AKT3: variants seen among roughly 807,000 people sequenced by gnomAD.
AKT3 encodes the protein RAC-gamma serine/threonine-protein kinase.
A neutral mutation model predicts 65.3 loss-of-function variants in AKT3; 15 were observed. That is an observed-to-expected ratio of 0.23 (90% CI 0.15 to 0.35). AKT3 has a LOEUF of 0.35. Ranked by LOEUF, AKT3 falls within the 10% of genes least tolerant of loss-of-function variation. The pLI is 1.00. For synonymous variants in AKT3, 206 were observed against 183.8 expected (o/e 1.12, Z -0.98); for missense variants, 243 against 576.5 (o/e 0.42, Z 5.92).
chr1:243,634,579 G>C (rs1015189806), intron 6 of AKT3, among the ~76,000 whole-genome samples: 3 of 151,774 alleles, frequency 2.0e-5, no homozygotes, highest in Admixed American at 1.3e-4. Flanking sequence ...TGGTTGATTG[G>C]GGGTAACTCA....
chr1:243,646,487 C>T (rs1339149491), intron 4 of AKT3, among the ~76,000 whole-genome samples: 3 of 151,714 alleles, frequency 2.0e-5, no homozygotes, highest in South Asian at 2.1e-4. Flanking sequence ...CCTGAGTAGC[C>T]GGGATTACAG....
In AKT3 at chr1:243,773,227, A is replaced by T. The variant is rs1035336631; in HGVS notation, c.46+69898T>A. ...TAAAAAATATATATATATATATATAAAACAAAAAGAAACTGAAGAATCATC... is the reference window on the plus strand; with the variant it reads ...TAAAAAATATATATATATATATATATAACAAAAAGAAACTGAAGAATCATC... On this transcript the variant is annotated intron_variant, in intron 2 of 13. Coordinates refer to ENST00000673466, the MANE Select transcript of AKT3 (RefSeq NM_005465.7). Among the ~76,000 whole-genome samples, 757 of 148,140 alleles carry T rather than the reference A, an allele frequency of 5.1e-3. 9 individuals are homozygous for T. Among genetic ancestry groups the T allele is most frequent in the African/African-American group, 0.017 (715 of 40,932 alleles).
intron 2 of AKT3, among the ~76,000 whole-genome samples, chr1:243,794,070 C>T (rs899903214): frequency 6.6e-6 from 1 of 152,106 alleles, no homozygotes; most frequent in East Asian, 1.9e-4. Context: ...ATTCTGTCAC[C>T]CAGGGTACAG....
chr1:243,847,191 T>C (rs893927997), intron 1 of AKT3, among the ~76,000 whole-genome samples: 3 of 152,160 alleles, frequency 2.0e-5, no homozygotes, highest in African/African-American at 7.2e-5. Context: ...AAAATAAAAA[T>C]GCCAGTCAGA....
intron 4 of AKT3, among the ~76,000 whole-genome samples, chr1:243,655,105 CTTAA>C (rs1378467138): frequency 2.0e-5 from 3 of 151,894 alleles, no homozygotes; most frequent in East Asian, 3.9e-4. Flanking sequence ...ACATTCTATT[CTTAA>C]TTATTTTTAT....
At chr1:243,645,749 A>G (rs1680761189) in intron 5 of AKT3, 144 bp downstream of exon 5, 2 of 767,982 alleles carry the variant, frequency 2.6e-6, no homozygotes, top group Non-Finnish European at 1.9e-6. Context: ...AACAACAGGT[A>G]TTTCAGATTC....
intron 3 of AKT3, among the ~76,000 whole-genome samples, chr1:243,693,997 C>T (rs995085817): frequency 6.6e-6 from 1 of 152,092 alleles, no homozygotes; most frequent in African/African-American, 2.4e-5. Context: ...CCCAAGAGTG[C>T]AGCATTTATT....
chr1:243,843,863 G>T (rs1343561647), intron 1 of AKT3, among the ~76,000 whole-genome samples: 1 of 151,712 alleles, frequency 6.6e-6, no homozygotes, highest in Non-Finnish European at 1.5e-5. Context: ...TATTGGCCAG[G>T]CTGGTCTCAA....
chr1:243,559,693 T>A (rs541871816), intron 10 of AKT3, among the ~76,000 whole-genome samples: 20 of 152,086 alleles, frequency 1.3e-4, no homozygotes, highest in Non-Finnish European at 1.9e-4. Flanking sequence ...ACACTATTGC[T>A]AGATGAAGTA....
chr1:243,792,627 C>T (rs1190580586), intron 2 of AKT3, among the ~76,000 whole-genome samples: 1 of 152,094 alleles, frequency 6.6e-6, no homozygotes, highest in Non-Finnish European at 1.5e-5. Context: ...CTTACAGCTA[C>T]ATGGGGGAGG....
In AKT3 at chr1:243,780,447, T is replaced by C. The variant is rs1200344872; in HGVS notation, c.46+62678A>G. On this transcript the variant is annotated intron_variant, in intron 2 of 13. Coordinates refer to ENST00000673466, the MANE Select transcript of AKT3 (RefSeq NM_005465.7). ...CTATAATTATGTAGGATACCACTTT[T>C]GTTTCAGGAAACATGCACTTAAGTA... 8.5e-5 allele frequency among the ~76,000 whole-genome samples: 13 copies of C among 152,136 alleles called. No individual in the cohort carries two copies. The South Asian group carries it at 2.7e-3, about 31-fold the overall frequency.
chr1:243,718,598 G>T (rs1191478575), intron 2 of AKT3, among the ~76,000 whole-genome samples: 1 of 151,600 alleles, frequency 6.6e-6, no homozygotes, highest in Non-Finnish European at 1.5e-5. Context: ...TTACAGCTGG[G>T]ATTACAGGCC....
At chr1:243,795,698 C>G (rs1042952715) in intron 2 of AKT3, among the ~76,000 whole-genome samples, 2 of 151,598 alleles carry the variant, frequency 1.3e-5, no homozygotes, top group African/African-American at 4.8e-5. Context: ...GTCTCGATCT[C>G]CTGACCTCGT....
intron 3 of AKT3, among the ~76,000 whole-genome samples, chr1:243,673,376 C>A (rs948639249): frequency 6.6e-6 from 1 of 152,060 alleles, no homozygotes; most frequent in African/African-American, 2.4e-5. Context: ...TTTTTAGAAA[C>A]AAAAATGAGA....
At chr1:243,512,635 G>T (rs1461941233) in intron 12 of AKT3, among the ~76,000 whole-genome samples, 1 of 152,044 alleles carries the variant, frequency 6.6e-6, no homozygotes, top group Non-Finnish European at 1.5e-5. Flanking sequence ...AAAATCTAAT[G>T]GATCACGAAA....
At chr1:243,559,797 A>T (rs1009711523) in intron 10 of AKT3, among the ~76,000 whole-genome samples, 1 of 152,178 alleles carries the variant, frequency 6.6e-6, no homozygotes, top group Non-Finnish European at 1.5e-5. Context: ...CAAGAGAAGC[A>T]GTAGTCAAGA....
In AKT3 at chr1:243,803,398, A is replaced by G. The variant is rs1353184469; in HGVS notation, c.46+39727T>C. Among the ~76,000 whole-genome samples the G allele has an allele frequency of 4.6e-5, 7 of 152,094 alleles. 1 individual carries two copies. Among genetic ancestry groups the G allele is most frequent in the Non-Finnish European group, 1.0e-4 (7 of 68,030 alleles). On this transcript the variant is annotated intron_variant, in intron 2 of 13. Coordinates refer to ENST00000673466, the MANE Select transcript of AKT3 (RefSeq NM_005465.7). ...TTTTGTTTCTTTTTGTTACTACTGA[A>G]GTTATCCACATAGAGTTACTTCATT...
intron 12 of AKT3, among the ~76,000 whole-genome samples, chr1:243,513,980 C>T (rs895043177): frequency 1.3e-5 from 2 of 152,156 alleles, no homozygotes; most frequent in African/African-American, 2.4e-5. Flanking sequence ...GCACAGGGAA[C>T]CCCAGAGGTG....
downstream of AKT3, among the ~76,000 whole-genome samples, chr1:243,496,072 A>AT (rs1243061631): frequency 6.6e-6 from 1 of 152,252 alleles, no homozygotes; most frequent in Non-Finnish European, 1.5e-5. Context: ...AGCACAGATG[A>AT]TTATGAAACC....
Sources: allele counts gnomAD v4.1 joint callset (sites outside exome capture counted in the v4.1 genomes callset), GRCh38; gene constraint gnomAD v4.1.1; transcripts MANE v1.5; gene names NCBI Gene and HGNC (gene_info 2026-07-23, HGNC 2026-07-21).